The following MAN1A1 variants were observed in gnomAD, a reference collection of about 807,000 sequenced individuals.
MAN1A1 encodes the protein mannosidase alpha class 1A member 1, also known as mannosyl-oligosaccharide 1,2-alpha-mannosidase IA.
Under a neutral mutation model 70.8 loss-of-function variants are expected in MAN1A1, and 29 were observed. That is an observed-to-expected ratio of 0.41 (90% CI 0.31 to 0.56). MAN1A1 has a LOEUF of 0.56. Ranked by LOEUF, MAN1A1 falls within the 20% of genes least tolerant of loss-of-function variation. The pLI is 0.29. For synonymous variants in MAN1A1, 349 were observed against 330.1 expected, an observed-to-expected ratio of 1.06 and a Z score of -0.62; for missense variants, 747 against 841.3, an observed-to-expected ratio of 0.89 and a Z score of 1.39.
At chr6:119,262,841 G>A (rs1470011715) in intron 5 of MAN1A1, among the ~76,000 whole-genome samples, 1 of 152,198 alleles carries the variant, frequency 6.6e-6, no homozygotes, top group Non-Finnish European at 1.5e-5. Context: ...GTGTCAACTT[G>A]ATTGGACTGA....
At chr6:119,331,700 T>G (rs1773320623) in intron 2 of MAN1A1, among the ~76,000 whole-genome samples, 1 of 151,514 alleles carries the variant, frequency 6.6e-6, no homozygotes. Flanking sequence ...AAACTGAGCA[T>G]TGGTGTTGCT....
intron 6 of MAN1A1, among the ~76,000 whole-genome samples, chr6:119,209,090 C>CAA (rs34328766): frequency 0.42 from 36,873 of 87,776 alleles, 6,511 homozygotes; most frequent in East Asian, 0.53. Flanking sequence ...GACCCCGTCT[C>CAA]AAAAAAAAAA....
intron 9 of MAN1A1, among the ~76,000 whole-genome samples, chr6:119,193,451 C>T (rs1345990864): frequency 3.3e-5 from 5 of 152,138 alleles, no homozygotes; most frequent in African/African-American, 1.2e-4. Flanking sequence ...AGGCAATTGT[C>T]AGAATACAAA....
intron 5 of MAN1A1, among the ~76,000 whole-genome samples, chr6:119,252,849 T>G (rs10872174): frequency 0.85 from 128,819 of 152,040 alleles, 54,922 homozygotes; most frequent in Non-Finnish European, 0.9. Context: ...AACATGAGGA[T>G]CATAGTGGCC....
At position 119,177,353 on chromosome 6, in the gene MAN1A1, C is replaced by CA. The variant is rs1405165802; in HGVS notation, c.*2465dup. ...AATGGATTTATGTAAAAATAAAAAA[C>CA]AATCAATGTACACAATGTGTAGCTC... On this transcript the variant is annotated 3_prime_UTR_variant, in exon 13 of 13. Coordinates refer to ENST00000368468, the MANE Select transcript of MAN1A1 (RefSeq NM_005907.4). The CA allele has an allele frequency of 6.6e-6, 1 of 151,880 alleles. No homozygotes were observed. Among genetic ancestry groups the CA allele is most frequent in the East Asian group, 1.9e-4 (1 of 5,182 alleles). 9.4% of individuals were successfully genotyped at this position (151,880 alleles called of 1,614,324 possible). A position where few individuals can be genotyped will look rare whatever the true frequency, so the allele number is the denominator to read the frequency against.
chr6:119,238,959 C>T (rs1015011858), intron 6 of MAN1A1, among the ~76,000 whole-genome samples: 3 of 151,874 alleles, frequency 2.0e-5, no homozygotes, highest in African/African-American at 7.3e-5. Flanking sequence ...GGCGGGATCT[C>T]GGCTCACTGC....
At chr6:119,273,473 T>A (rs940400556) in intron 5 of MAN1A1, among the ~76,000 whole-genome samples, 4 of 152,230 alleles carry the variant, frequency 2.6e-5, no homozygotes, top group African/African-American at 7.2e-5. Flanking sequence ...TACTCTGTTA[T>A]GTGAGCATTC....
intron 2 of MAN1A1, among the ~76,000 whole-genome samples, chr6:119,328,447 G>C (rs147267784): frequency 1.2e-4 from 18 of 152,356 alleles, no homozygotes; most frequent in Non-Finnish European, 1.6e-4. Flanking sequence ...CTGTTAATAA[G>C]TGGCAAAGCC....
At chr6:119,299,146 G>C (rs2114435437) in intron 4 of MAN1A1, among the ~76,000 whole-genome samples, 2 of 151,790 alleles carry the variant, frequency 1.3e-5, no homozygotes, top group East Asian at 3.9e-4. Context: ...TGGATAGAAT[G>C]GGTGAATATA....
chr6:119,236,274 C>T (rs1035544136), intron 6 of MAN1A1, among the ~76,000 whole-genome samples: 10 of 152,144 alleles, frequency 6.6e-5, no homozygotes, highest in African/African-American at 2.4e-4. Context: ...ACCTACTGCT[C>T]AGACAAAAAG....
intron 2 of MAN1A1, among the ~76,000 whole-genome samples, chr6:119,317,840 T>C (rs528222784): frequency 6.6e-6 from 1 of 152,110 alleles, no homozygotes; most frequent in African/African-American, 2.4e-5. Context: ...TAAAAATAGA[T>C]TGGCCATAAA....
At chr6:119,242,520 C>T (rs553624770) in intron 6 of MAN1A1, among the ~76,000 whole-genome samples, 21 of 152,108 alleles carry the variant, frequency 1.4e-4, no homozygotes, top group Middle Eastern at 3.4e-3. Flanking sequence ...AAATGATGTC[C>T]ACGAAAGGAC....
chr6:119,223,016 T>C (rs1378562743), intron 6 of MAN1A1, among the ~76,000 whole-genome samples: 1 of 152,122 alleles, frequency 6.6e-6, no homozygotes, highest in African/African-American at 2.4e-5. Flanking sequence ...ATGAATTGTA[T>C]GGTATGTGAA....
In MAN1A1 at chr6:119,246,722, T is replaced by A. The variant is rs17588322; in HGVS notation, c.992+1538A>T. The stretch of plus-strand genomic sequence containing the variant: ...TCTTGGTCAGAATACTACCTATAAA[T>A]ACAAATTCTGAAGATATAAAAGGTA... On this transcript the variant is annotated intron_variant, in intron 6 of 12. Coordinates refer to ENST00000368468, the MANE Select transcript of MAN1A1 (RefSeq NM_005907.4). 3.9e-5 allele frequency among the ~76,000 whole-genome samples: 6 copies of A among 152,082 alleles called. No homozygotes were observed. In the East Asian group the frequency reaches 1.2e-3, roughly 29 times the overall value.
intron 2 of MAN1A1, among the ~76,000 whole-genome samples, chr6:119,311,433 C>T (rs1772697681): frequency 6.6e-6 from 1 of 152,136 alleles, no homozygotes; most frequent in African/African-American, 2.4e-5. Context: ...AGGTCCTCTC[C>T]AGGTGTAAGG....
chr6:119,321,933 T>C (rs1773022080), intron 2 of MAN1A1, among the ~76,000 whole-genome samples: 1 of 152,152 alleles, frequency 6.6e-6, no homozygotes, highest in Non-Finnish European at 1.5e-5. Context: ...AATGTTTACT[T>C]TGAGCAATGG....
intron 6 of MAN1A1, among the ~76,000 whole-genome samples, chr6:119,243,909 C>T (rs1775081548): frequency 6.6e-6 from 1 of 152,026 alleles, no homozygotes; most frequent in South Asian, 2.1e-4. Context: ...AAAGCACACA[C>T]TGTAGACAGC....
intron 2 of MAN1A1, among the ~76,000 whole-genome samples, chr6:119,322,268 CA>C (rs1218461144): frequency 4.6e-5 from 7 of 152,196 alleles, no homozygotes; most frequent in African/African-American, 1.7e-4. Flanking sequence ...ATCTTATCCA[CA>C]TTACTAAGTG....
intron 6 of MAN1A1, among the ~76,000 whole-genome samples, chr6:119,214,176 G>A (rs1197144955): frequency 6.6e-6 from 1 of 152,080 alleles, no homozygotes; most frequent in Non-Finnish European, 1.5e-5. Flanking sequence ...ATCTTGGCCA[G>A]GCTGGTCTCG....
Sources: allele counts gnomAD v4.1 joint callset (sites outside exome capture counted in the v4.1 genomes callset), GRCh38; gene constraint gnomAD v4.1.1; transcripts MANE v1.5; gene names NCBI Gene and HGNC (gene_info 2026-07-23, HGNC 2026-07-21).